NCKAP5: variants seen among roughly 807,000 people sequenced by gnomAD.
The protein encoded by NCKAP5 is NCK associated protein 5.
A neutral mutation model predicts 167.0 loss-of-function variants in NCKAP5; 92 were observed. That is an observed-to-expected ratio of 0.55 (90% confidence interval 0.47 to 0.66). The LOEUF (loss-of-function observed/expected upper bound fraction) is 0.66, where lower values mean the gene tolerates loss of function less well. Ranked by LOEUF, NCKAP5 falls within the 30% of genes least tolerant of loss-of-function variation. The probability of loss-of-function intolerance (pLI) is 0.00; values close to 1 mark genes in which losing one functional copy is unlikely to be tolerated. For missense variants in NCKAP5, 2,378 were observed against 2,315.0 expected, an observed-to-expected ratio of 1.03 and a Z score of -0.56; for synonymous variants, 891 against 877.4, an observed-to-expected ratio of 1.02 and a Z score of -0.27.
intron 3 of NCKAP5, among the ~76,000 whole-genome samples, chr2:133,310,747 A>T (rs1681175151): frequency 6.6e-6 from 1 of 152,172 alleles, no homozygotes; most frequent in South Asian, 2.1e-4. Flanking sequence ...TCAAGCACTC[A>T]AAGGTGTGTT....
chr2:133,297,305 C>T (rs1206250682), intron 4 of NCKAP5, among the ~76,000 whole-genome samples: 2 of 151,920 alleles, frequency 1.3e-5, no homozygotes, highest in Non-Finnish European at 2.9e-5. Context: ...CCATTCTCTT[C>T]TTTAGATGAA....
chr2:133,358,453 T>G (rs528961947), intron 3 of NCKAP5, among the ~76,000 whole-genome samples: 5 of 152,268 alleles, frequency 3.3e-5, no homozygotes, highest in African/African-American at 1.2e-4. Flanking sequence ...TGGTGGTACA[T>G]GCCTATAGTC....
At chr2:133,470,355 G>A (rs1429502209) in intron 3 of NCKAP5, among the ~76,000 whole-genome samples, 2 of 152,272 alleles carry the variant, frequency 1.3e-5, no homozygotes, top group African/African-American at 2.4e-5. Context: ...ACTTGAGGAG[G>A]CAGTCTGCCG....
At chr2:133,212,304 T>C (rs2086242754) in intron 5 of NCKAP5, among the ~76,000 whole-genome samples, 1 of 152,182 alleles carries the variant, frequency 6.6e-6, no homozygotes, top group South Asian at 2.1e-4. Flanking sequence ...AAATGCTCAG[T>C]CCACCATCCA....
chr2:132,795,317 C>A (rs1196331357), intron 12 of NCKAP5, among the ~76,000 whole-genome samples: 3 of 152,132 alleles, frequency 2.0e-5, no homozygotes, highest in Non-Finnish European at 4.4e-5. Flanking sequence ...TCTTAAAATT[C>A]TTCATCAAAA....
chr2:133,264,434 T>A (rs1231764086), intron 4 of NCKAP5, among the ~76,000 whole-genome samples: 1 of 152,182 alleles, frequency 6.6e-6, no homozygotes. Context: ...GCAATAACCA[T>A]AAACCAGCTG....
At chr2:133,463,437 T>C (rs1692327342) in intron 3 of NCKAP5, among the ~76,000 whole-genome samples, 1 of 152,360 alleles carries the variant, frequency 6.6e-6, no homozygotes, top group African/African-American at 2.4e-5. Flanking sequence ...TCCTTTTCAA[T>C]TCCAGGAGCA....
the NCKAP5 span, among the ~76,000 whole-genome samples, chr2:133,593,549 T>C: frequency 6.6e-6 from 1 of 152,232 alleles, no homozygotes; most frequent in African/African-American, 2.4e-5. Context: ...TATTATTTTT[T>C]ATTCTCTTTT....
At chr2:132,712,957 G>A (rs1012239585) in intron 19 of NCKAP5, among the ~76,000 whole-genome samples, 4 of 152,156 alleles carry the variant, frequency 2.6e-5, no homozygotes, top group African/African-American at 9.7e-5. Flanking sequence ...TTAAGTGAAT[G>A]ATGGTACAGC....
At chr2:133,051,740 A>C (rs571579082) in intron 6 of NCKAP5, among the ~76,000 whole-genome samples, 85 of 152,370 alleles carry the variant, frequency 5.6e-4, no homozygotes, top group African/African-American at 2.0e-3. Flanking sequence ...TTTATGTTTT[A>C]AGATATTCAA....
chr2:132,926,276 T>C, intron 8 of NCKAP5: 1 of 226,778 alleles, frequency 4.4e-6, no homozygotes, highest in African/African-American at 2.2e-5. Context: ...CCACGTTTTC[T>C]TTATCCACTC....
At chr2:133,207,896 T>C (rs768397523) in intron 5 of NCKAP5, among the ~76,000 whole-genome samples, 27 of 152,202 alleles carry the variant, frequency 1.8e-4, no homozygotes, top group Non-Finnish European at 1.5e-4. Context: ...GTGGAGCATA[T>C]TTCCCATGTC....
At chr2:133,076,795 G>T (rs878960110) in intron 6 of NCKAP5, among the ~76,000 whole-genome samples, 1 of 152,114 alleles carries the variant, frequency 6.6e-6, no homozygotes, top group Non-Finnish European at 1.5e-5. Context: ...TCAGGTCCAC[G>T]TACAAGGAAG....
chr2:133,265,388 G>T (rs932047199), intron 4 of NCKAP5, among the ~76,000 whole-genome samples: 5 of 152,144 alleles, frequency 3.3e-5, no homozygotes, highest in African/African-American at 1.2e-4. Context: ...TTCTCTAAGG[G>T]GTAGTGTAGG....
At chr2:133,503,256 TG>T (rs1682699142) in intron 3 of NCKAP5, among the ~76,000 whole-genome samples, 2 of 152,212 alleles carry the variant, frequency 1.3e-5, no homozygotes, top group African/African-American at 4.8e-5. Context: ...TCAACTGTAC[TG>T]GGGGTATAAC....
intron 8 of NCKAP5, among the ~76,000 whole-genome samples, chr2:132,909,635 TTCTAACTCCTC>T (rs1694286144): frequency 6.6e-6 from 1 of 152,180 alleles, no homozygotes; most frequent in South Asian, 2.1e-4. Flanking sequence ...ACTGCTTGTG[TTCTAACTCCTC>T]ACCAATCTTG....
At chr2:133,451,850 A>C (rs556279921) in intron 3 of NCKAP5, among the ~76,000 whole-genome samples, 1 of 152,324 alleles carries the variant, frequency 6.6e-6, no homozygotes, top group South Asian at 2.1e-4. Flanking sequence ...ATGTCTCTTC[A>C]ACCCGAAGGA....
At chr2:132,905,101 CT>C (rs146914535) in intron 8 of NCKAP5, among the ~76,000 whole-genome samples, 1,526 of 152,012 alleles carry the variant, frequency 0.01, 13 homozygotes, top group African/African-American at 0.035. Context: ...TTTCAATTAT[CT>C]TTTTTTTGGT....
chr2:133,227,817 C>T (rs1244875011), intron 4 of NCKAP5, among the ~76,000 whole-genome samples: 2 of 152,078 alleles, frequency 1.3e-5, no homozygotes, highest in Non-Finnish European at 2.9e-5. Flanking sequence ...TTGGATTTCT[C>T]CTGGTTGCAA....
Sources: gnomAD v4.1 joint callset for allele counts (sites outside exome capture counted in the v4.1 genomes callset) on GRCh38, gnomAD v4.1.1 for gene constraint, MANE v1.5 for transcripts, NCBI Gene and HGNC (gene_info 2026-07-23, HGNC 2026-07-21) for gene names.